The following DLG2 variants were observed in gnomAD, a reference collection of about 807,000 sequenced individuals.
DLG2 encodes the protein discs large MAGUK scaffold protein 2, also known as disks large homolog 2.
A neutral mutation model predicts 132.5 loss-of-function variants in DLG2; 45 were observed. The observed-to-expected ratio is 0.34, with a 90% CI of 0.27 to 0.44. DLG2 has a LOEUF of 0.44. DLG2 is among the 20% of genes least tolerant of loss of function. DLG2 has a pLI of 1.00. For synonymous variants in DLG2, 424 were observed against 419.6 expected, an observed-to-expected ratio of 1.01 and a Z score of -0.13; for missense variants, 1,045 against 1,196.9, an observed-to-expected ratio of 0.87 and a Z score of 1.87.
intron 2 of DLG2, among the ~76,000 whole-genome samples, chr11:85,600,545 C>T (rs530216321): frequency 1.3e-5 from 2 of 152,216 alleles, no homozygotes; most frequent in African/African-American, 4.8e-5. Context: ...AGATATACAA[C>T]CTTTAATTGT....
At chr11:84,458,016 T>C (rs1048523917) in intron 7 of DLG2, among the ~76,000 whole-genome samples, 2 of 150,860 alleles carry the variant, frequency 1.3e-5, no homozygotes, top group Non-Finnish European at 3.0e-5. Flanking sequence ...ACGTAAATGA[T>C]AGTAAATTGG....
rs537951213 is a variant in DLG2 at position 84,384,626 on chromosome 11, G to A, written c.520-133335C>T. ...TTTGGAAAACATTATTTTGTGGCAG[G>A]CTAATGAATTATAGCCAATGACATG... On this transcript the variant is annotated intron_variant, in intron 7 of 27. Coordinates refer to ENST00000376104, the MANE Select transcript of DLG2 (RefSeq NM_001142699.3). Among the ~76,000 whole-genome samples, 55 of 151,936 alleles carry A rather than the reference G, an allele frequency of 3.6e-4. No individual in the cohort carries two copies. The South Asian group carries it at 0.011, about 31-fold the overall frequency.
At chr11:85,470,468 A>C (rs2092949026) in intron 3 of DLG2, among the ~76,000 whole-genome samples, 1 of 152,160 alleles carries the variant, frequency 6.6e-6, no homozygotes, top group South Asian at 2.1e-4. Context: ...CATGCCTGTA[A>C]TCCCAGCACT....
chr11:85,445,553 G>A (rs752869796), intron 3 of DLG2, among the ~76,000 whole-genome samples: 12 of 152,210 alleles, frequency 7.9e-5, no homozygotes, highest in Non-Finnish European at 1.5e-4. Context: ...CATGGCCTGC[G>A]CCTGTAATCC....
intron 3 of DLG2, among the ~76,000 whole-genome samples, chr11:85,561,440 C>T (rs2077240985): frequency 6.8e-6 from 1 of 147,786 alleles, no homozygotes; most frequent in Admixed American, 6.8e-5. Context: ...AAAAACCCTG[C>T]ACTTCCTACC....
chr11:84,169,717 A>G (rs1052616792), intron 8 of DLG2, among the ~76,000 whole-genome samples: 5 of 152,056 alleles, frequency 3.3e-5, no homozygotes, highest in Admixed American at 1.3e-4. Flanking sequence ...TACTAAAAAT[A>G]CAAAAACTAG....
chr11:84,489,276 G>A (rs1235151297), intron 7 of DLG2, among the ~76,000 whole-genome samples: 1 of 151,982 alleles, frequency 6.6e-6, no homozygotes, highest in African/African-American at 2.4e-5. Flanking sequence ...ATGTTCCGAA[G>A]GATAATGGTG....
intron 3 of DLG2, among the ~76,000 whole-genome samples, chr11:85,518,300 G>C (rs547948868): frequency 2.6e-5 from 4 of 152,288 alleles, no homozygotes; most frequent in African/African-American, 9.6e-5. Context: ...CCAAAACCCT[G>C]ATAGTGATAT....
chr11:84,418,989 G>A (rs553595256), intron 7 of DLG2, among the ~76,000 whole-genome samples: 11 of 152,256 alleles, frequency 7.2e-5, no homozygotes, highest in African/African-American at 2.4e-4. Context: ...TTGCTTGCCT[G>A]CCTCTTACAT....
chr11:84,952,531 T>C (rs183160464), intron 6 of DLG2, among the ~76,000 whole-genome samples: 2 of 147,162 alleles, frequency 1.4e-5, no homozygotes, highest in Admixed American at 1.4e-4. Context: ...AGAAAAAGAA[T>C]AAAACCAGAA....
chr11:85,159,453 A>T (rs546716614), intron 4 of DLG2, among the ~76,000 whole-genome samples: 1 of 152,324 alleles, frequency 6.6e-6, no homozygotes, highest in Non-Finnish European at 1.5e-5. Context: ...CAAAAACAAT[A>T]TTGCATCCCT....
chr11:84,241,309 G>A (rs2097221740), intron 8 of DLG2, among the ~76,000 whole-genome samples: 1 of 152,188 alleles, frequency 6.6e-6, no homozygotes, highest in Non-Finnish European at 1.5e-5. Flanking sequence ...ATTCTAGAGA[G>A]AAAGATCAAC....
At chr11:84,483,225 G>A (rs1190541324) in intron 7 of DLG2, among the ~76,000 whole-genome samples, 1 of 152,084 alleles carries the variant, frequency 6.6e-6, no homozygotes, top group Non-Finnish European at 1.5e-5. Context: ...CTGAGGTCAG[G>A]AGTTCAAGAC....
At chr11:83,483,160 G>A (rs2093259695) in intron 22 of DLG2, 2 of 967,930 alleles carry the variant, frequency 2.1e-6, no homozygotes, top group Middle Eastern at 4.2e-4. Flanking sequence ...TGCATGCTAG[G>A]AGTGAAAGGC....
intron 21 of DLG2, 22 bp downstream of exon 21, chr11:83,532,686 G>T (rs2095785326): frequency 6.2e-7 from 1 of 1,607,904 alleles, no homozygotes; most frequent in East Asian, 2.2e-5. Flanking sequence ...AGAACTTGAT[G>T]TTTCCATCAT....
At chr11:85,556,315 C>T (rs929730692) in intron 3 of DLG2, among the ~76,000 whole-genome samples, 1 of 151,882 alleles carries the variant, frequency 6.6e-6, no homozygotes, top group East Asian at 1.9e-4. Flanking sequence ...TTAATGCTCA[C>T]GCACTGACTC....
At chr11:84,251,002 GTTGT>G (rs2097364952) in intron 8 of DLG2, among the ~76,000 whole-genome samples, 1 of 152,062 alleles carries the variant, frequency 6.6e-6, no homozygotes, top group Non-Finnish European at 1.5e-5. Context: ...TTTAAACAGC[GTTGT>G]TTATTTTTGT....
At chr11:84,120,269 T>C (rs2093843697) in intron 9 of DLG2, among the ~76,000 whole-genome samples, 2 of 152,118 alleles carry the variant, frequency 1.3e-5, no homozygotes, top group African/African-American at 4.8e-5. Flanking sequence ...GTATGCAACC[T>C]GAAAATAGAT....
intron 6 of DLG2, among the ~76,000 whole-genome samples, chr11:84,859,976 G>A (rs1364478744): frequency 6.6e-6 from 1 of 152,026 alleles, no homozygotes; most frequent in Non-Finnish European, 1.5e-5. Context: ...CTTGTACACT[G>A]TCCCTCACAT....
Sources: gnomAD v4.1 joint callset for allele counts (sites outside exome capture counted in the v4.1 genomes callset) on GRCh38, gnomAD v4.1.1 for gene constraint, MANE v1.5 for transcripts, NCBI Gene and HGNC (gene_info 2026-07-23, HGNC 2026-07-21) for gene names.